ADGRL3: variants seen among roughly 807,000 people sequenced by gnomAD.
ADGRL3 encodes adhesion G protein-coupled receptor L3.
In ADGRL3, 62 loss-of-function variants were observed where a neutral mutation model predicts 153.5. The ratio of observed to expected loss-of-function variants is 0.40; its 90% confidence interval spans 0.33 to 0.50. The LOEUF is 0.50. ADGRL3 is among the 20% of genes least tolerant of loss of function. The pLI is 0.47. For synonymous variants in ADGRL3, 710 were observed against 672.5 expected (o/e 1.06, Z -0.86); for missense variants, 1,641 against 1,859.4 (o/e 0.88, Z 2.16).
chr4:61,646,984 C>A (rs934407334), intron 5 of ADGRL3, among the ~76,000 whole-genome samples: 1 of 152,178 alleles, frequency 6.6e-6, no homozygotes, highest in Non-Finnish European at 1.5e-5. Context: ...CCTGGTGCGC[C>A]GTTTTTTAAG....
intron 19 of ADGRL3, among the ~76,000 whole-genome samples, chr4:61,987,906 G>T (rs2150939777): frequency 6.6e-6 from 1 of 151,836 alleles, no homozygotes; most frequent in South Asian, 2.1e-4. Flanking sequence ...TGACAATGAG[G>T]TTTTATTTCT....
chr4:61,663,108 C>G (rs2094659775), intron 5 of ADGRL3, among the ~76,000 whole-genome samples: 2 of 152,170 alleles, frequency 1.3e-5, no homozygotes, highest in Non-Finnish European at 2.9e-5. Context: ...GGGACAAGAA[C>G]TCGGGACCCT....
At chr4:61,372,534 G>A (rs1183621503) in intron 1 of ADGRL3, among the ~76,000 whole-genome samples, 1 of 152,206 alleles carries the variant, frequency 6.6e-6, no homozygotes, top group Non-Finnish European at 1.5e-5. Context: ...TACCAGTTAG[G>A]CTGCTCGGGG....
chr4:61,673,849 T>A (rs535910220), intron 5 of ADGRL3, among the ~76,000 whole-genome samples: 71 of 151,234 alleles, frequency 4.7e-4, no homozygotes, highest in African/African-American at 1.6e-3. Context: ...ATAAATTATT[T>A]TGAAAGGTGA....
At chr4:61,324,838 T>C (rs1305873748) in intron 1 of ADGRL3, among the ~76,000 whole-genome samples, 1 of 152,222 alleles carries the variant, frequency 6.6e-6, no homozygotes, top group East Asian at 1.9e-4. Context: ...GTGACAAATA[T>C]TGTGAATATA....
At chr4:61,755,336 C>T (rs577074131) in intron 8 of ADGRL3, among the ~76,000 whole-genome samples, 53 of 151,938 alleles carry the variant, frequency 3.5e-4, no homozygotes, top group African/African-American at 1.2e-3. Context: ...TGGTATCTCA[C>T]TGTGGTTTTG....
intron 6 of ADGRL3, among the ~76,000 whole-genome samples, chr4:61,703,728 A>C (rs2095807459): frequency 1.3e-5 from 2 of 152,146 alleles, no homozygotes; most frequent in Non-Finnish European, 2.9e-5. Context: ...TGAAAGAGAA[A>C]ACTGACTAAA....
intron 21 of ADGRL3, among the ~76,000 whole-genome samples, chr4:62,017,478 A>G (rs977877473): frequency 6.6e-6 from 1 of 151,480 alleles, no homozygotes. Context: ...GAAGTAAGTG[A>G]CATGATTGAT....
intron 6 of ADGRL3, among the ~76,000 whole-genome samples, chr4:61,684,036 A>C (rs2095396925): frequency 6.6e-6 from 1 of 152,180 alleles, no homozygotes. Context: ...ATGTGAAACC[A>C]AAACCATTTG....
intron 1 of ADGRL3, among the ~76,000 whole-genome samples, chr4:61,369,184 A>C (rs1446033057): frequency 1.3e-5 from 2 of 152,176 alleles, no homozygotes; most frequent in African/African-American, 4.8e-5. Flanking sequence ...AACAGGGACA[A>C]TTTGACTTCC....
rs370564228 is a variant in ADGRL3, at chr4:61,748,440, C to T, written c.1399+14886C>T. On this transcript the variant is annotated intron_variant, in intron 8 of 26. Transcript: ENST00000683033. ...CAAAAGAACAAAGCTGGAGGCATCACGCTACCTGACTTCAAACTATACTAC... is the reference window on the plus strand; with the variant it reads ...CAAAAGAACAAAGCTGGAGGCATCATGCTACCTGACTTCAAACTATACTAC... Among the ~76,000 whole-genome samples, 106 of 151,020 alleles carry T rather than the reference C, an allele frequency of 7.0e-4. 1 individual carries two copies. The highest frequency in any genetic ancestry group is 5.8e-3 in the Admixed American group (88 of 15,212).
chr4:61,278,655 C>T (rs1319823678), intron 1 of ADGRL3, among the ~76,000 whole-genome samples: 1 of 152,014 alleles, frequency 6.6e-6, no homozygotes. Flanking sequence ...AGGCATGCAC[C>T]ATCATGCCCA....
At chr4:61,702,975 C>T (rs150793696) in intron 6 of ADGRL3, among the ~76,000 whole-genome samples, 1 of 152,218 alleles carries the variant, frequency 6.6e-6, no homozygotes, top group African/African-American at 2.4e-5. Flanking sequence ...TCTCTTCATT[C>T]ACTCTAGAAT....
intron 21 of ADGRL3, among the ~76,000 whole-genome samples, chr4:62,007,270 T>C (rs2099162475): frequency 6.8e-6 from 1 of 147,348 alleles, no homozygotes; most frequent in South Asian, 2.2e-4. Flanking sequence ...TGCAAGGGAA[T>C]CTGGGAAAGC....
At chr4:62,040,783 A>C (rs529345152) in intron 24 of ADGRL3, among the ~76,000 whole-genome samples, 1 of 152,246 alleles carries the variant, frequency 6.6e-6, no homozygotes, top group Admixed American at 6.5e-5. Context: ...ACGGAGAACA[A>C]AAATATGATG....
intron 7 of ADGRL3, among the ~76,000 whole-genome samples, chr4:61,732,083 TG>T (rs2096452772): frequency 6.6e-6 from 1 of 152,170 alleles, no homozygotes; most frequent in African/African-American, 2.4e-5. Flanking sequence ...GGTTCTTTTC[TG>T]TAACCTTTCA....
chr4:61,774,551 A>G (rs2097125548), intron 8 of ADGRL3, among the ~76,000 whole-genome samples: 1 of 152,106 alleles, frequency 6.6e-6, no homozygotes, highest in Non-Finnish European at 1.5e-5. Flanking sequence ...TGTGTAGGTT[A>G]TATGCAAATA....
chr4:61,428,357 C>T (rs1305234379), intron 2 of ADGRL3: 1 of 152,186 alleles, frequency 6.6e-6, no homozygotes, highest in Non-Finnish European at 1.5e-5. Flanking sequence ...TGTGCTCCAA[C>T]CCTGCTGTGT....
chr4:61,234,005 G>A (rs181832837), intron 1 of ADGRL3, among the ~76,000 whole-genome samples: 196 of 152,152 alleles, frequency 1.3e-3, no homozygotes, highest in African/African-American at 3.8e-3. Context: ...TGATGGGAAA[G>A]GGAGAGAAAT....
Sources: allele counts gnomAD v4.1 joint callset (sites outside exome capture counted in the v4.1 genomes callset), GRCh38; gene constraint gnomAD v4.1.1; transcripts MANE v1.5; gene names NCBI Gene and HGNC (gene_info 2026-07-23, HGNC 2026-07-21).